TRHDE: variants seen among roughly 807,000 people sequenced by gnomAD.
TRHDE encodes thyrotropin releasing hormone degrading enzyme, also known as thyrotropin-releasing hormone-degrading ectoenzyme.
In TRHDE, 72 loss-of-function variants were observed where a neutral mutation model predicts 125.7. The ratio of observed to expected loss-of-function variants is 0.57; its 90% CI spans 0.47 to 0.70. The LOEUF (loss-of-function observed/expected upper bound fraction) is 0.70, where lower values mean the gene tolerates loss of function less well. Ranked by LOEUF, TRHDE falls within the 30% of genes least tolerant of loss-of-function variation. The pLI, the probability that TRHDE is intolerant of heterozygous loss-of-function variation, is 0.00. For missense variants in TRHDE, 1,110 were observed against 1,327.1 expected, an observed-to-expected ratio of 0.84 and a Z score of 2.54; for synonymous variants, 509 against 509.1, an observed-to-expected ratio of 1.00 and a Z score of 0.00.
intron 3 of TRHDE, among the ~76,000 whole-genome samples, chr12:72,393,190 AT>A (rs1200853395): frequency 8.5e-5 from 13 of 152,188 alleles, no homozygotes; most frequent in African/African-American, 3.1e-4. Flanking sequence ...ATTAACACTT[AT>A]TTTCCTCTGC....
rs544528981 is a variant in TRHDE at position 72,638,648 on chromosome 12, G to A, written c.2676-13674G>A. ...GATTTTGCAGCGGCTGGTACCGGTCGTTCCATTCCATGTTTAGTGCTTCCT... is the reference window on the plus strand; with the variant it reads ...GATTTTGCAGCGGCTGGTACCGGTCATTCCATTCCATGTTTAGTGCTTCCT... On this transcript the variant is annotated intron_variant, in intron 15 of 18. Coordinates refer to ENST00000261180, the MANE Select transcript of TRHDE (RefSeq NM_013381.3). 5.3e-5 allele frequency among the ~76,000 whole-genome samples: 8 copies of A among 152,106 alleles called. No homozygotes were observed. The East Asian group carries it at 5.8e-4, about 11-fold the overall frequency.
At chr12:72,160,709 GAAACAAAACA>G (rs201428441) in intron 2 of TRHDE, among the ~76,000 whole-genome samples, 3 of 151,800 alleles carry the variant, frequency 2.0e-5, no homozygotes, top group African/African-American at 7.3e-5. Flanking sequence ...AAAACAAAAT[GAAACAAAACA>G]AAACAAAAGA....
intron 7 of TRHDE, among the ~76,000 whole-genome samples, chr12:72,561,401 T>C (rs1870170744): frequency 6.6e-6 from 1 of 152,218 alleles, no homozygotes; most frequent in Non-Finnish European, 1.5e-5. Flanking sequence ...ATTTTCATAT[T>C]CATATTTCTG....
intron 2 of TRHDE, among the ~76,000 whole-genome samples, chr12:72,210,145 A>G (rs1877745641): frequency 6.6e-6 from 1 of 151,234 alleles, no homozygotes; most frequent in Non-Finnish European, 1.5e-5. Flanking sequence ...ATCTAGAACC[A>G]CAATGATTTT....
At chr12:72,110,923 C>A (rs772078641) in intron 2 of TRHDE, among the ~76,000 whole-genome samples, 2 of 152,152 alleles carry the variant, frequency 1.3e-5, no homozygotes, top group Non-Finnish European at 2.9e-5. Context: ...AAATGAGAAC[C>A]ATGCCCTATT....
chr12:72,465,376 C>T (rs1375843921), intron 3 of TRHDE, among the ~76,000 whole-genome samples: 2 of 152,142 alleles, frequency 1.3e-5, no homozygotes, highest in African/African-American at 2.4e-5. Flanking sequence ...CTAACTCCTC[C>T]CATCTTTGTC....
intron 3 of TRHDE, among the ~76,000 whole-genome samples, chr12:72,462,092 A>G (rs559526913): frequency 3.2e-4 from 49 of 152,314 alleles, no homozygotes; most frequent in Middle Eastern, 3.4e-3. Flanking sequence ...AGCTTTAAAC[A>G]TTATATCCAT....
intron 15 of TRHDE, among the ~76,000 whole-genome samples, chr12:72,625,254 C>T (rs190801697): frequency 6.6e-6 from 1 of 151,752 alleles, no homozygotes; most frequent in African/African-American, 2.4e-5. Context: ...TTAAAGGGCA[C>T]AATTTAAAGC....
chr12:72,617,858 G>C (rs7308664), intron 12 of TRHDE, among the ~76,000 whole-genome samples: 29,358 of 152,080 alleles, frequency 0.19, 5,961 homozygotes, highest in African/African-American at 0.52. Flanking sequence ...AATCCCATTT[G>C]TGAAAGTAGA....
At chr12:72,599,429 T>A (rs1872115234) in intron 12 of TRHDE, among the ~76,000 whole-genome samples, 1 of 152,162 alleles carries the variant, frequency 6.6e-6, no homozygotes, top group Admixed American at 6.5e-5. Context: ...ACATGTGAGA[T>A]AGTATCTCAT....
chr12:72,526,922 A>G (rs184237247), intron 6 of TRHDE, among the ~76,000 whole-genome samples: 38 of 152,284 alleles, frequency 2.5e-4, no homozygotes, highest in African/African-American at 9.1e-4. Flanking sequence ...GGAATCAGAA[A>G]AGAGGAGTCA....
At chr12:72,627,839 CCTGG>C (rs1015381964) in intron 15 of TRHDE, among the ~76,000 whole-genome samples, 2 of 148,966 alleles carry the variant, frequency 1.3e-5, no homozygotes, top group African/African-American at 5.0e-5. Flanking sequence ...CACCACCACA[CCTGG>C]CTAATTTTTT....
chr12:72,257,499 G>C (rs559025717), intron 2 of TRHDE: 3 of 152,238 alleles, frequency 2.0e-5, no homozygotes, highest in African/African-American at 7.2e-5. Flanking sequence ...GAAACATTTA[G>C]AATAAGTGAT....
At chr12:72,468,742 G>T (rs1413834178) in intron 3 of TRHDE, among the ~76,000 whole-genome samples, 1 of 152,184 alleles carries the variant, frequency 6.6e-6, no homozygotes, top group Non-Finnish European at 1.5e-5. Context: ...GGAAGGATCT[G>T]CCAGGGCCAA....
intron 5 of TRHDE, among the ~76,000 whole-genome samples, chr12:72,476,811 G>A (rs1404852774): frequency 6.6e-6 from 1 of 152,106 alleles, no homozygotes; most frequent in African/African-American, 2.4e-5. Flanking sequence ...TCTGACTTAG[G>A]CCAGTATACT....
chr12:72,187,682 C>A (rs563082189), intron 2 of TRHDE, among the ~76,000 whole-genome samples: 2 of 152,266 alleles, frequency 1.3e-5, no homozygotes, highest in South Asian at 4.1e-4. Flanking sequence ...AAATGTTCAT[C>A]ATTTCTGGAA....
intron 2 of TRHDE, among the ~76,000 whole-genome samples, chr12:72,342,518 G>A (rs1303905927): frequency 6.6e-6 from 1 of 152,092 alleles, no homozygotes; most frequent in African/African-American, 2.4e-5. Context: ...AGAGAATATG[G>A]TTAGTATAGG....
intron 6 of TRHDE, among the ~76,000 whole-genome samples, chr12:72,524,586 C>T (rs73146951): frequency 0.012 from 1,767 of 152,168 alleles, 15 homozygotes; most frequent in Non-Finnish European, 0.02. Context: ...ATGGTAAATT[C>T]AGTTTTATAG....
At chr12:72,352,357 G>A (rs1870620352) in intron 2 of TRHDE, among the ~76,000 whole-genome samples, 1 of 151,680 alleles carries the variant, frequency 6.6e-6, no homozygotes, top group Non-Finnish European at 1.5e-5. Flanking sequence ...GTCAATGTGT[G>A]AATTCTTGTA....
Sources: gnomAD v4.1 joint callset for allele counts (sites outside exome capture counted in the v4.1 genomes callset) on GRCh38, gnomAD v4.1.1 for gene constraint, MANE v1.5 for transcripts, NCBI Gene and HGNC (gene_info 2026-07-23, HGNC 2026-07-21) for gene names.